FOXO1: variants seen among roughly 807,000 people sequenced by gnomAD.
The protein encoded by FOXO1 is forkhead box O1, also known as forkhead box protein O1.
Under a neutral mutation model 44.1 loss-of-function variants are expected in FOXO1, and 6 were observed. That is an observed-to-expected ratio of 0.14 (90% CI 0.07 to 0.27). The LOEUF (loss-of-function observed/expected upper bound fraction) is 0.27. Ranked by LOEUF, FOXO1 falls within the 10% of genes least tolerant of loss-of-function variation. The pLI, the probability that FOXO1 is intolerant of heterozygous loss-of-function variation, is 1.00. For missense variants in FOXO1, 737 were observed against 888.8 expected (o/e 0.83, Z 2.17); for synonymous variants, 380 against 362.7 (o/e 1.05, Z -0.54).
intron 1 of FOXO1, among the ~76,000 whole-genome samples, chr13:40,575,107 G>A (rs111232175): frequency 6.6e-6 from 1 of 152,026 alleles, no homozygotes; most frequent in African/African-American, 2.4e-5. Flanking sequence ...AAAGGAGGGA[G>A]GATTGCTTGA....
intron 1 of FOXO1, chr13:40,619,578 C>G: frequency 1.4e-6 from 2 of 1,447,316 alleles, no homozygotes; most frequent in Non-Finnish European, 1.9e-6. Flanking sequence ...CAGATAGTAA[C>G]AGAGATCATA....
At chr13:40,606,602 C>A (rs889650473) in intron 1 of FOXO1, among the ~76,000 whole-genome samples, 1 of 152,168 alleles carries the variant, frequency 6.6e-6, no homozygotes, top group African/African-American at 2.4e-5. Flanking sequence ...TGTAAGCCAC[C>A]GCGCCCGGCC....
intron 1 of FOXO1, among the ~76,000 whole-genome samples, chr13:40,645,080 T>C (rs1341610735): frequency 1.3e-5 from 2 of 152,334 alleles, no homozygotes; most frequent in East Asian, 1.9e-4. Context: ...GAAATGGCTA[T>C]GACTTCTTAC....
At chr13:40,655,018 T>C (rs2137938246) in intron 1 of FOXO1, among the ~76,000 whole-genome samples, 1 of 152,282 alleles carries the variant, frequency 6.6e-6, no homozygotes, top group Non-Finnish European at 1.5e-5. Flanking sequence ...GCTGTAATTC[T>C]GAACTTCACT....
intron 1 of FOXO1, among the ~76,000 whole-genome samples, chr13:40,646,035 C>G (rs1378175479): frequency 1.3e-5 from 2 of 148,810 alleles, no homozygotes; most frequent in Admixed American, 1.4e-4. Context: ...CCACTGCACT[C>G]TAGCCTGGGC....
chr13:40,661,205 A>ACC (rs971035290), intron 1 of FOXO1, among the ~76,000 whole-genome samples: 4 of 151,836 alleles, frequency 2.6e-5, no homozygotes, highest in Non-Finnish European at 4.4e-5. Context: ...TAGCTGCATA[A>ACC]CCCCCTCATC....
intron 1 of FOXO1, among the ~76,000 whole-genome samples, chr13:40,609,182 G>A (rs983555032): frequency 2.0e-5 from 3 of 152,060 alleles, no homozygotes; most frequent in African/African-American, 7.2e-5. Context: ...AAGCTCAGTA[G>A]ACCTGAAATA....
rs991694850 is a variant in FOXO1, at chr13:40,666,250, A to G, written c.-38T>C. 9 of 1,360,234 alleles carry G rather than the reference A, an allele frequency of 6.6e-6. No individual in the cohort carries two copies. The African/African-American group carries it at 1.4e-4, about 21-fold the overall frequency. 84.3% of individuals were successfully genotyped at this position (1,360,234 alleles called of 1,614,324 possible). Reference sequence around the variant, plus strand: ...CCCTCCCCCAGCCGCAGGAGAGCCAAGAGGGGGAGAACGCAGCACTGGGGG... The same window carrying G: ...CCCTCCCCCAGCCGCAGGAGAGCCAGGAGGGGGAGAACGCAGCACTGGGGG... On this transcript the variant is annotated 5_prime_UTR_variant, in exon 1 of 3. Transcript: ENST00000379561.
At chr13:40,588,340 C>T (rs139280704) in intron 1 of FOXO1, among the ~76,000 whole-genome samples, 2 of 152,252 alleles carry the variant, frequency 1.3e-5, no homozygotes, top group African/African-American at 2.4e-5. Context: ...CACCTGAATC[C>T]GAACAGGCCA....
Position 40,620,798 on chromosome 13 carries a change from G to GATTTTTT in FOXO1, c.630+44784_630+44785insAAAAAAT, listed in dbSNP as rs762814974. ...CTGGAAAACTACTATTCTTCCCCTT[G>GATTTTTT]CTTTTTTTTTTTTTTTTTGAGATGG... On this transcript the variant is annotated intron_variant, in intron 1 of 2. Transcript: ENST00000379561. Among the ~76,000 whole-genome samples, 110 of 105,504 alleles carry GATTTTTT rather than the reference G, an allele frequency of 1.0e-3. 3 individuals are homozygous for GATTTTTT. Among genetic ancestry groups the GATTTTTT allele is most frequent in the Admixed American group, 6.9e-3 (75 of 10,796 alleles). 69.2% of individuals were successfully genotyped at this position (105,504 alleles called of 152,430 possible). A position where few individuals can be genotyped will look rare whatever the true frequency, so the allele number is the denominator to read the frequency against.
chr13:40,609,152 G>A (rs562635181), intron 1 of FOXO1, among the ~76,000 whole-genome samples: 22 of 151,936 alleles, frequency 1.4e-4, no homozygotes, highest in Non-Finnish European at 2.8e-4. Context: ...ATTAATTATC[G>A]TTATCATTTG....
At chr13:40,638,235 C>A (rs1185973075) in intron 1 of FOXO1, among the ~76,000 whole-genome samples, 1 of 152,068 alleles carries the variant, frequency 6.6e-6, no homozygotes, top group Non-Finnish European at 1.5e-5. Flanking sequence ...AATTTAAGGA[C>A]CTAGTAATTT....
At chr13:40,613,186 A>G (rs1232946387) in intron 1 of FOXO1, among the ~76,000 whole-genome samples, 2 of 152,182 alleles carry the variant, frequency 1.3e-5, no homozygotes, top group Non-Finnish European at 2.9e-5. Flanking sequence ...GAGATAGCAA[A>G]GTCAAAAGTG....
intron 1 of FOXO1, among the ~76,000 whole-genome samples, chr13:40,586,385 TA>T (rs1293999372): frequency 6.6e-6 from 1 of 152,132 alleles, no homozygotes; most frequent in East Asian, 1.9e-4. Context: ...AAGGGCTTAA[TA>T]ACAAAAGCCC....
At chr13:40,573,254 C>T (rs1566064701) in intron 1 of FOXO1, among the ~76,000 whole-genome samples, 2 of 152,222 alleles carry the variant, frequency 1.3e-5, no homozygotes, top group African/African-American at 4.8e-5. Context: ...ACTGGCACTC[C>T]ACCAGATGTG....
In FOXO1 at chr13:40,666,564, C is replaced by A. The variant is rs1161421914; in HGVS notation, c.-352G>T. The stretch of plus-strand genomic sequence containing the variant: ...CGCTTGCTCTCCCCAGCGGCGCGCC[C>A]GCTGCGCTGCTGCCTGTTGAATGTG... On this transcript the variant is annotated 5_prime_UTR_variant, in exon 1 of 3. Transcript: ENST00000379561. 3 of 232,346 alleles carry A rather than the reference C, an allele frequency of 1.3e-5. No individual in the cohort carries two copies. Among genetic ancestry groups the A allele is most frequent in the African/African-American group, 4.4e-5 (2 of 44,944 alleles). 14.4% of individuals were successfully genotyped at this position (232,346 alleles called of 1,614,324 possible).
intron 1 of FOXO1, among the ~76,000 whole-genome samples, chr13:40,613,048 T>C (rs1263652814): frequency 1.3e-5 from 2 of 152,210 alleles, no homozygotes; most frequent in Middle Eastern, 3.2e-3. Context: ...AATTAAACTT[T>C]AATCAGCCAC....
At chr13:40,573,686 CCAAAA>C (rs1230846478) in intron 1 of FOXO1, among the ~76,000 whole-genome samples, 2 of 152,078 alleles carry the variant, frequency 1.3e-5, no homozygotes, top group African/African-American at 2.4e-5. Context: ...CCTCCAAAGA[CCAAAA>C]CAAAAGAAAA....
Position 40,658,203 on chromosome 13 carries a change from G to A in FOXO1, c.630+7380C>T, listed in dbSNP as rs73173195. Among the ~76,000 whole-genome samples, 1,094 of 152,302 alleles carry A rather than the reference G, an allele frequency of 7.2e-3. 14 individuals carry two copies. Among genetic ancestry groups the A allele is most frequent in the Admixed American group, 0.014 (208 of 15,296 alleles). ...AGATCTGCTGAATTTCAGGGCTCAA[G>A]ATGATCTAAGCTCTGGGGACAGGAG... On this transcript the variant is annotated intron_variant, in intron 1 of 2. Transcript: ENST00000379561.
Sources: gnomAD v4.1 joint callset for allele counts (sites outside exome capture counted in the v4.1 genomes callset) on GRCh38, gnomAD v4.1.1 for gene constraint, MANE v1.5 for transcripts, NCBI Gene and HGNC (gene_info 2026-07-23, HGNC 2026-07-21) for gene names.